The following TMX3 variants were observed in gnomAD, a reference collection of about 807,000 sequenced individuals.
The protein encoded by TMX3 is protein disulfide-isomerase TMX3.
TMX3 carries 40 observed loss-of-function variants against 64.4 expected under a neutral mutation model. The ratio of observed to expected loss-of-function variants is 0.62; its 90% CI spans 0.48 to 0.81. The LOEUF (loss-of-function observed/expected upper bound fraction) is 0.81. TMX3 is among the 30% of genes least tolerant of loss of function. TMX3 has a pLI of 0.00. For synonymous variants in TMX3, 189 were observed against 175.7 expected, an observed-to-expected ratio of 1.08 and a Z score of -0.60; for missense variants, 497 against 534.5, an observed-to-expected ratio of 0.93 and a Z score of 0.69.
At chr18:68,699,362 C>T (rs552052050) in intron 6 of TMX3, among the ~76,000 whole-genome samples, 1 of 152,228 alleles carries the variant, frequency 6.6e-6, no homozygotes, top group Non-Finnish European at 1.5e-5. Flanking sequence ...TGGGAGGATT[C>T]AGTACCTCCC....
In TMX3 at chr18:68,687,111, C is replaced by T. The variant is rs141264202; in HGVS notation, c.736+556G>A. 2.4e-4 allele frequency: 240 copies of T among 983,706 alleles called. 3 individuals are homozygous for T. The East Asian group carries it at 0.013, about 54-fold the overall frequency. 60.9% of individuals were successfully genotyped at this position (983,706 alleles called of 1,614,324 possible). ...ACCAATATTTCTCATTTCTAATTTG[C>T]TATAAATTTATAAAACACTTTCTCC... On this transcript the variant is annotated intron_variant, in intron 10 of 15. Coordinates refer to ENST00000299608, the MANE Select transcript of TMX3 (RefSeq NM_019022.5).
chr18:68,692,754 TAAAC>T (rs906028233), intron 8 of TMX3, among the ~76,000 whole-genome samples: 1 of 152,140 alleles, frequency 6.6e-6, no homozygotes, highest in Non-Finnish European at 1.5e-5. Flanking sequence ...AAAGAATGCC[TAAAC>T]AAACTAGCTG....
chr18:68,713,911 A>T lies in TMX3; in HGVS notation c.47-11T>A. ...TATCAAGTACAACAACTGAAAAAAAAAGACAAAATGTACACAATAAATGCT... is the reference window on the plus strand; with the variant it reads ...TATCAAGTACAACAACTGAAAAAAATAGACAAAATGTACACAATAAATGCT... On this transcript the variant is annotated splice_polypyrimidine_tract_variant and intron_variant, in intron 1 of 15. Transcript: ENST00000299608. 1.3e-6 allele frequency: 2 copies of T among 1,563,606 alleles called. No individual in the cohort carries two copies. The highest frequency in any genetic ancestry group is 1.7e-6 in the Non-Finnish European group (2 of 1,145,280).
chr18:68,709,458 T>C (rs1228470725), intron 4 of TMX3, among the ~76,000 whole-genome samples: 1 of 152,124 alleles, frequency 6.6e-6, no homozygotes. Context: ...TAGCTATGCT[T>C]CAATCTAACT....
chr18:68,680,761 A>G (rs752924395), intron 14 of TMX3, among the ~76,000 whole-genome samples: 1 of 152,116 alleles, frequency 6.6e-6, no homozygotes, highest in Non-Finnish European at 1.5e-5. Context: ...ATAAAAGGAC[A>G]CTTCCATCTT....
chr18:68,698,832 C>T (rs966164811), intron 6 of TMX3, among the ~76,000 whole-genome samples: 4 of 151,140 alleles, frequency 2.6e-5, no homozygotes, highest in South Asian at 2.1e-4. Flanking sequence ...CTGGCTAATA[C>T]GGTGAAATCC....
At chr18:68,708,939 T>C (rs1486640078) in intron 4 of TMX3, among the ~76,000 whole-genome samples, 1 of 152,120 alleles carries the variant, frequency 6.6e-6, no homozygotes, top group Non-Finnish European at 1.5e-5. Flanking sequence ...GCTACAAAAG[T>C]AGGACATGGC....
intron 12 of TMX3, 29 bp from the exon 13 acceptor site, chr18:68,683,010 A>G: frequency 6.3e-7 from 1 of 1,598,130 alleles, no homozygotes; most frequent in Non-Finnish European, 8.6e-7. Context: ...AAATAAATAA[A>G]TAAAAGGAGA....
chr18:68,709,339 G>A (rs996670840), intron 4 of TMX3, among the ~76,000 whole-genome samples: 8 of 151,998 alleles, frequency 5.3e-5, no homozygotes, highest in Admixed American at 1.3e-4. Context: ...AACAGGTGTC[G>A]GTATAAAAGG....
chr18:68,681,157 G>C (rs778998576), intron 13 of TMX3, 47 bp from the exon 14 acceptor site: 17 of 1,421,398 alleles, frequency 1.2e-5, no homozygotes, highest in African/African-American at 8.7e-5. Context: ...CACAGCAATA[G>C]CAAGTATTCT....
chr18:68,713,214 G>A (rs950212049), intron 2 of TMX3, among the ~76,000 whole-genome samples: 1 of 152,168 alleles, frequency 6.6e-6, no homozygotes, highest in Admixed American at 6.5e-5. Context: ...CCTCAATAAA[G>A]ATGTTTTAGC....
At chr18:68,687,848 A>G (rs1486067978) in intron 9 of TMX3, 83 bp from the exon 10 acceptor site, 5 of 967,586 alleles carry the variant, frequency 5.2e-6, no homozygotes, top group Non-Finnish European at 7.6e-6. Context: ...TAATAGGTAT[A>G]AAACGCCTGA....
chr18:68,679,577 T>C, intron 14 of TMX3, 46 bp from the exon 15 acceptor site: 1 of 1,530,786 alleles, frequency 6.5e-7, no homozygotes, highest in Non-Finnish European at 9.0e-7. Flanking sequence ...CACCATTACT[T>C]CATTTACTTG....
intron 4 of TMX3, among the ~76,000 whole-genome samples, chr18:68,704,530 A>G (rs939702301): frequency 6.6e-6 from 1 of 152,212 alleles, no homozygotes; most frequent in African/African-American, 2.4e-5. Context: ...CTAAAACAGG[A>G]AGATTCGGTA....
intron 6 of TMX3, among the ~76,000 whole-genome samples, chr18:68,698,270 G>A (rs1265147492): frequency 6.6e-6 from 1 of 152,120 alleles, no homozygotes; most frequent in Non-Finnish European, 1.5e-5. Context: ...CAAAATAAGT[G>A]TCAAAACATC....
intron 2 of TMX3, among the ~76,000 whole-genome samples, chr18:68,713,438 A>G (rs1013642889): frequency 2.6e-5 from 4 of 152,152 alleles, no homozygotes; most frequent in African/African-American, 9.7e-5. Flanking sequence ...AAGCCTTGCA[A>G]TTGTCTATGG....
intron 6 of TMX3, among the ~76,000 whole-genome samples, chr18:68,699,067 A>G (rs1400932948): frequency 6.6e-6 from 1 of 152,114 alleles, no homozygotes; most frequent in Non-Finnish European, 1.5e-5. Context: ...CATCTTTTAC[A>G]TATGGTGTGT....
In TMX3 at chr18:68,700,814, C is replaced by T. The variant is rs76504688; in HGVS notation, c.312-329G>A. The stretch of plus-strand genomic sequence containing the variant: ...ATTAAAGTACTATAATTCTCATTAC[C>T]TTCCCTGTCAAAAGGTAAATGAAAG... On this transcript the variant is annotated intron_variant, in intron 5 of 15. Coordinates refer to ENST00000299608, the MANE Select transcript of TMX3 (RefSeq NM_019022.5). 1.5e-4 allele frequency: 149 copies of T among 985,038 alleles called. No individual in the cohort carries two copies. In the East Asian group the frequency reaches 0.013, roughly 87 times the overall value. The allele number at this position is 985,038 out of a possible 1,614,324, so 61.0% of individuals were successfully genotyped here.
intron 9 of TMX3, chr18:68,688,968 G>A (rs954147895): frequency 1.3e-5 from 2 of 152,098 alleles, no homozygotes; most frequent in African/African-American, 2.4e-5. Context: ...CCTGGGTGAC[G>A]GGATCATTTG....
Sources: gnomAD v4.1 joint callset for allele counts (sites outside exome capture counted in the v4.1 genomes callset) on GRCh38, gnomAD v4.1.1 for gene constraint, MANE v1.5 for transcripts, NCBI Gene and HGNC (gene_info 2026-07-23, HGNC 2026-07-21) for gene names.